SCML4: variants seen among roughly 807,000 people sequenced by gnomAD.
SCML4 encodes Scm polycomb group protein like 4, also known as sex comb on midleg-like protein 4.
Under a neutral mutation model 41.1 loss-of-function variants are expected in SCML4, and 34 were observed. The observed-to-expected ratio is 0.83, with a 90% CI of 0.63 to 1.10. SCML4 has a LOEUF of 1.10. SCML4 is among the 50% of genes least tolerant of loss of function. The pLI, the probability that SCML4 is intolerant of heterozygous loss-of-function variation, is 0.00. For missense variants in SCML4, 522 were observed against 534.1 expected, an observed-to-expected ratio of 0.98 and a Z score of 0.22; for synonymous variants, 214 against 220.9, an observed-to-expected ratio of 0.97 and a Z score of 0.28.
chr6:107,705,369 CAG>C (rs1773505716), intron 7 of SCML4, 44 bp from the exon 8 acceptor site: 1 of 1,543,378 alleles, frequency 6.5e-7, no homozygotes, highest in Non-Finnish European at 8.8e-7. Context: ...AGAAGATGGT[CAG>C]AGTCATCGAA....
chr6:107,740,597 C>T (rs1777504213), intron 5 of SCML4, among the ~76,000 whole-genome samples: 1 of 152,220 alleles, frequency 6.6e-6, no homozygotes, highest in South Asian at 2.1e-4. Context: ...CATAGATCTG[C>T]AGCAGGATCA....
chr6:107,729,909 C>T (rs1776371388), intron 5 of SCML4, among the ~76,000 whole-genome samples: 1 of 152,206 alleles, frequency 6.6e-6, no homozygotes, highest in South Asian at 2.1e-4. Flanking sequence ...ATTTTACAAT[C>T]TCCTTTAGAG....
chr6:107,839,555 A>T, the SCML4 span, among the ~76,000 whole-genome samples: 2 of 152,208 alleles, frequency 1.3e-5, no homozygotes, highest in Non-Finnish European at 2.9e-5. Context: ...TTCTGATGAA[A>T]ATCTTATAGA....
At chr6:107,749,346 G>A (rs1369684792) in intron 3 of SCML4, among the ~76,000 whole-genome samples, 2 of 152,030 alleles carry the variant, frequency 1.3e-5, no homozygotes, top group Admixed American at 6.5e-5. Flanking sequence ...TTTAAGGTGA[G>A]CAGGCTTAGA....
rs1467901141 is a variant in SCML4, at chr6:107,772,290, C to T, written c.38G>A (p.Arg13Gln). Residue 13 changes from arginine to glutamine, a missense_variant, in exon 2 of 8, where the codon CGA (arginine) becomes CAA (glutamine). Physicochemically the swap from Arg to Gln is conservative, Grantham distance 43. Transcript: ENST00000369020. ...SQRIPGRKRG[R>Q]PSLHSTPMKM... ...CATAGGCGTGGAGTGAAGTGAGGGT[C>T]GGCCTCGCTTTCTCCCCGGGATCCT... The T allele has an allele frequency of 7.1e-6, 11 of 1,551,450 alleles. No individual in the cohort carries two copies. Among genetic ancestry groups the T allele is most frequent in the Non-Finnish European group, 9.6e-6 (11 of 1,146,924 alleles).
At chr6:107,770,572 A>G (rs572559212) in intron 2 of SCML4, among the ~76,000 whole-genome samples, 1 of 152,328 alleles carries the variant, frequency 6.6e-6, no homozygotes, top group South Asian at 2.1e-4. Flanking sequence ...CTATGAGGAA[A>G]TGGGAAAAGA....
chr6:107,716,278 T>C (rs968811420), intron 6 of SCML4, among the ~76,000 whole-genome samples: 1 of 152,108 alleles, frequency 6.6e-6, no homozygotes, highest in Non-Finnish European at 1.5e-5. Flanking sequence ...CTTAGAACCT[T>C]GAAAGCCATC....
At chr6:107,808,642 T>C (rs77258692) in intron 1 of SCML4, among the ~76,000 whole-genome samples, 2,976 of 152,138 alleles carry the variant, frequency 0.02, 100 homozygotes, top group African/African-American at 0.067. Flanking sequence ...CTCCAGGACA[T>C]GGGAAGAGAA....
rs1583468880 is a variant in SCML4, at chr6:107,745,068, A to G, written c.563T>C (p.Phe188Ser). ...GAGGCTTCGGCACAGCTTGGCGAGG[A>G]AGCGGAGGACATAGCCGATGCTGTT... ...VVNSIGYVLR[F>S]LAKLCRSLLC... The change falls in exon 5 of 8, where the codon TTC becomes TCC. Residue 188 changes from phenylalanine to serine, a missense_variant. Coordinates refer to ENST00000369020, the MANE Select transcript of SCML4 (RefSeq NM_198081.5). 1 of 1,613,940 alleles carries G rather than the reference A, an allele frequency of 6.2e-7. No individual in the cohort carries two copies. The highest frequency in any genetic ancestry group is 8.5e-7 in the Non-Finnish European group (1 of 1,179,882).
intron 1 of SCML4, among the ~76,000 whole-genome samples, chr6:107,786,103 A>G (rs1167074574): frequency 6.6e-6 from 1 of 152,174 alleles, no homozygotes; most frequent in Non-Finnish European, 1.5e-5. Context: ...ATTATTTCCA[A>G]GTCTAAGAAA....
rs1187323538 is a variant in SCML4 at position 107,744,941 on chromosome 6, AG to A, written c.682+7del. The A allele has an allele frequency of 1.3e-6, 2 of 1,593,464 alleles. No individual in the cohort carries two copies. The highest frequency in any genetic ancestry group is 2.3e-5 in the East Asian group (1 of 44,178). ...CCCTGCAGGTGGGGGAAGCAGGACA[AG>A]GCCTACCTGATTCCATCCTCCCTTC... On this transcript the variant is annotated splice_region_variant and intron_variant, in intron 5 of 7. Coordinates refer to ENST00000369020, the MANE Select transcript of SCML4 (RefSeq NM_198081.5).
chr6:107,812,059 C>A (rs1040211060), intron 1 of SCML4, among the ~76,000 whole-genome samples: 1 of 152,178 alleles, frequency 6.6e-6, no homozygotes, highest in East Asian at 1.9e-4. Context: ...TGGGAGCCAG[C>A]AGGGAGGCTT....
At chr6:107,822,508 C>CTTTTTTTTTTTTTTTTTTTTTTT (rs10677944) in intron 1 of SCML4, among the ~76,000 whole-genome samples, 2 of 137,996 alleles carry the variant, frequency 1.4e-5, no homozygotes, top group African/African-American at 5.7e-5. Flanking sequence ...TTTTTCTTTT[C>CTTTTTTTTTTTTTTTTTTTTTTT]TTTTTTTTTT....
chr6:107,802,729 C>CCTCCCT (rs1783290830), intron 1 of SCML4, among the ~76,000 whole-genome samples: 3 of 139,256 alleles, frequency 2.2e-5, no homozygotes, highest in Non-Finnish European at 4.6e-5. Flanking sequence ...TCCCTCTCCC[C>CCTCCCT]CTCCCTCTCC....
intron 2 of SCML4, among the ~76,000 whole-genome samples, chr6:107,770,231 T>C (rs1405547842): frequency 6.6e-6 from 1 of 152,222 alleles, no homozygotes; most frequent in Non-Finnish European, 1.5e-5. Flanking sequence ...TACTAAATCC[T>C]ATTAACATAC....
At chr6:107,714,066 T>G (rs1343697210) in intron 6 of SCML4, among the ~76,000 whole-genome samples, 1 of 152,146 alleles carries the variant, frequency 6.6e-6, no homozygotes, top group African/African-American at 2.4e-5. Context: ...CAAGCATCAC[T>G]CACTCTATCC....
chr6:107,754,939 C>T (rs1189120620), intron 2 of SCML4, among the ~76,000 whole-genome samples: 1 of 152,004 alleles, frequency 6.6e-6, no homozygotes, highest in Non-Finnish European at 1.5e-5. Flanking sequence ...CTCTTTTGTA[C>T]TAAAAATTTT....
the SCML4 span, among the ~76,000 whole-genome samples, chr6:107,829,540 A>G: frequency 0.43 from 64,910 of 152,084 alleles, 16,441 homozygotes; most frequent in East Asian, 0.72. Context: ...GTTGAACAAT[A>G]AGAACACACA....
At chr6:107,792,838 C>G (rs1041981036) in intron 1 of SCML4, among the ~76,000 whole-genome samples, 2 of 152,032 alleles carry the variant, frequency 1.3e-5, no homozygotes, top group Non-Finnish European at 2.9e-5. Context: ...TTGCTAATGA[C>G]AAACCTCACT....
Sources: gnomAD v4.1 joint callset for allele counts (sites outside exome capture counted in the v4.1 genomes callset) on GRCh38, gnomAD v4.1.1 for gene constraint, MANE v1.5 for transcripts, NCBI Gene and HGNC (gene_info 2026-07-23, HGNC 2026-07-21) for gene names.